The following CFAP410 variants were observed in gnomAD, a reference collection of about 807,000 sequenced individuals.
CFAP410 encodes the protein cilia and flagella associated protein 410.
In CFAP410, 27 loss-of-function variants were observed where a neutral mutation model predicts 25.7. The ratio of observed to expected loss-of-function variants is 1.05; its 90% CI spans 0.77 to 1.45. CFAP410 has a LOEUF of 1.45. CFAP410 is among the 40% of genes most tolerant of loss of function. CFAP410 has a pLI of 0.00. For synonymous variants in CFAP410, 178 were observed against 158.4 expected, an observed-to-expected ratio of 1.12 and a Z score of -0.93; for missense variants, 428 against 354.1, an observed-to-expected ratio of 1.21 and a Z score of -1.67.
intron 5 of CFAP410, 192 bp downstream of exon 5, chr21:44,331,651 C>T (rs2047649305): frequency 1.7e-6 from 1 of 585,786 alleles, no homozygotes; most frequent in Non-Finnish European, 2.9e-6. Flanking sequence ...AAACATGGAC[C>T]TGCCACTGAA....
intron 3 of CFAP410, chr21:44,333,816 T>C (rs184983423): frequency 2.9e-6 from 1 of 345,286 alleles, no homozygotes; most frequent in African/African-American, 2.1e-5. Context: ...GGCTTTACCC[T>C]GCAGCGTGGG....
intron 3 of CFAP410, chr21:44,334,227 G>A: frequency 2.2e-6 from 1 of 456,308 alleles, no homozygotes; most frequent in South Asian, 1.5e-5. Context: ...AACACCCCTG[G>A]GGTCCTGTCC....
At position 44,330,110 on chromosome 21, in the gene CFAP410, C is replaced by A; in HGVS notation, c.*88G>T. ...AGGCTTTTGTGTGGGGCCGGGGCTG[C>A]GGCCATGGCAGCCACCCTCCAGCTC... is the stretch of plus-strand genomic sequence containing the variant. On this transcript the variant is annotated 3_prime_UTR_variant, in exon 7 of 7. Transcript: ENST00000339818. The A allele has an allele frequency of 7.0e-7, 1 of 1,424,338 alleles. No individual in the cohort carries two copies. 88.2% of individuals were successfully genotyped at this position (1,424,338 alleles called of 1,614,324 possible). A position where few individuals can be genotyped will look rare whatever the true frequency, so the allele number is the denominator to read the frequency against.
intron 1 of CFAP410, 54 bp downstream of exon 1, chr21:44,339,064 C>A: frequency 8.5e-7 from 1 of 1,174,822 alleles, no homozygotes; most frequent in Non-Finnish European, 1.1e-6. Flanking sequence ...CGCCCTCGCC[C>A]CGCCCCGGCT....
intron 3 of CFAP410, chr21:44,334,521 C>CCCCTCAACCTCTGGGCGGGCACGCGCACA: frequency 5.7e-6 from 1 of 174,472 alleles, no homozygotes; most frequent in South Asian, 3.7e-5. Flanking sequence ...ACGCGCACCC[C>CCCCTCAACCTCTGGGCGGGCACGCGCACA]CCCCCCCCCC....
At chr21:44,338,419 GTGAGACTCAGCATTACCTGCCT>G in intron 1 of CFAP410, 1 of 764,156 alleles carries the variant, frequency 1.3e-6, no homozygotes. Context: ...CCTTGGCTCA[GTGAGACTCAGCATTACCTGCCT>G]TTCAGCCTGC....
At chr21:44,338,359 A>C (rs895478502) in intron 1 of CFAP410, 12 of 1,262,780 alleles carry the variant, frequency 9.5e-6, no homozygotes, top group Non-Finnish European at 1.2e-5. Flanking sequence ...AACCCTGGAG[A>C]TCTTGCAGGC....
At chr21:44,332,474 T>C (rs924654353) in intron 4 of CFAP410, 3 of 163,908 alleles carry the variant, frequency 1.8e-5, no homozygotes, top group Admixed American at 6.3e-5. Context: ...ACAAACAGCA[T>C]GAAACCACAG....
intron 1 of CFAP410, chr21:44,338,191 A>C (rs2047789373): frequency 1.0e-6 from 1 of 987,802 alleles, no homozygotes; most frequent in South Asian, 1.6e-5. Flanking sequence ...CAGATATGCC[A>C]GGGCAGAGAG....
At chr21:44,338,471 C>T (rs1433496604) in intron 1 of CFAP410, 11 of 412,284 alleles carry the variant, frequency 2.7e-5, no homozygotes, top group South Asian at 2.0e-4. Context: ...ACCGCACCCA[C>T]GTCCCTTCCT....
At position 44,329,396 on chromosome 21, in the gene CFAP410, G is replaced by A. The variant is rs1568981459; in HGVS notation, c.*802C>T. 1.3e-5 allele frequency: 2 copies of A among 152,154 alleles called. No individual in the cohort carries two copies. Among genetic ancestry groups the A allele is most frequent in the Admixed American group, 1.3e-4 (2 of 15,284 alleles). The allele number at this position is 152,154 out of a possible 1,614,324, so 9.4% of individuals were successfully genotyped here. A position where few individuals can be genotyped will look rare whatever the true frequency, so the allele number is the denominator to read the frequency against. The stretch of plus-strand genomic sequence containing the variant: ...CGTGAATGCTTCCTTGGTTTTGGGG[G>A]GCACTAGGAAGGTCCCCAGGGCCAC... On this transcript the variant is annotated 3_prime_UTR_variant, in exon 7 of 7. Transcript: ENST00000339818.
rs567017370 is a variant in CFAP410 at position 44,331,044 on chromosome 21, G to A, written c.546-125C>T. ...CTCATACAAATCCCACCTGGCACAC[G>A]GGGGCAAGAGAAGGGAGGCAACTCC... On this transcript the variant is annotated intron_variant, in intron 5 of 6. Coordinates refer to ENST00000339818, the MANE Select transcript of CFAP410 (RefSeq NM_004928.3). 53 of 883,144 alleles carry A rather than the reference G, an allele frequency of 6.0e-5. No homozygotes were observed. The South Asian group carries it at 7.7e-4, about 13-fold the overall frequency. The allele number at this position is 883,144 out of a possible 1,614,324, so 54.7% of individuals were successfully genotyped here.
intron 2 of CFAP410, among the ~76,000 whole-genome samples, chr21:44,336,236 T>A (rs1030687696): frequency 6.6e-6 from 1 of 152,102 alleles, no homozygotes; most frequent in African/African-American, 2.4e-5. Context: ...GAAGGAGAAA[T>A]GTGAGGCTCC....
At position 44,339,127 on chromosome 21, in the gene CFAP410, A is replaced by C; in HGVS notation, c.68T>G (p.Leu23Arg). ...CCAGGCCCCGCCTCACCAGCAGTTG[A>C]GCTTGCGCACGCTGTGCAGCTCCGA... The part of the protein sequence containing the change: ...KASELHSVRK[L>R]NCWGSRLTDI... The change falls in exon 1 of 7, where the codon CTC becomes CGC. Residue 23 changes from leucine to arginine, a missense_variant. Transcript: ENST00000339818. 6.9e-7 allele frequency: 1 copy of C among 1,453,860 alleles called. No individual in the cohort carries two copies. The highest frequency in any genetic ancestry group is 9.1e-7 in the Non-Finnish European group (1 of 1,097,574). 90.1% of individuals were successfully genotyped at this position (1,453,860 alleles called of 1,614,324 possible).
Position 44,338,662 on chromosome 21 carries a change from T to TG in CFAP410, c.77+455dup, listed in dbSNP as rs66904159. The TG allele has an allele frequency of 8.7e-4, 131 of 150,506 alleles. 1 individual carries two copies. Among genetic ancestry groups the TG allele is most frequent in the East Asian group, 2.4e-3 (12 of 4,972 alleles). 9.3% of individuals were successfully genotyped at this position (150,506 alleles called of 1,614,324 possible). A position where few individuals can be genotyped will look rare whatever the true frequency, so the allele number is the denominator to read the frequency against. On this transcript the variant is annotated intron_variant, in intron 1 of 6. Coordinates refer to ENST00000339818, the MANE Select transcript of CFAP410 (RefSeq NM_004928.3). ...CCCGGGGCAAAGGCGGGCCGGGAAATGGGGGGGGGCCCAGGCGACCCCGAC... is the reference window on the plus strand; with the variant it reads ...CCCGGGGCAAAGGCGGGCCGGGAAATGGGGGGGGGGCCCAGGCGACCCCGAC...
rs748224537 is a variant in CFAP410 at position 44,333,121 on chromosome 21, G to A, written c.285C>T (p.Ala95=). 19 of 1,611,076 alleles carry A rather than the reference G, an allele frequency of 1.2e-5. No homozygotes were observed. The highest frequency in any genetic ancestry group is 6.7e-5 in the Admixed American group (4 of 59,898). The change falls in exon 4 of 7, where the codon GCC becomes GCT. Residue 95 remains alanine, a synonymous_variant. Coordinates refer to ENST00000339818, the MANE Select transcript of CFAP410 (RefSeq NM_004928.3). The part of the protein sequence containing the change: ...GLPRLRVLWL[A]ENPCCGTSPH... ...GGCTGGTGCCGCAGCACGGGTTCTC[G>A]GCCAGCCACAGCACCCGCAGACGCG...
At chr21:44,330,766 T>G (rs1568984754) in intron 6 of CFAP410, 57 bp downstream of exon 6, 15 of 1,551,172 alleles carry the variant, frequency 9.7e-6, no homozygotes, top group Middle Eastern at 1.7e-4. Context: ...CCACGGTTTC[T>G]GTGCAGTGGG....
chr21:44,330,100 G>A lies in CFAP410; in HGVS notation c.*98C>T. Reference sequence around the variant, plus strand: ...CAAACCGGGGAGGCTTTTGTGTGGGGCCGGGGCTGCGGCCATGGCAGCCAC... The same window carrying A: ...CAAACCGGGGAGGCTTTTGTGTGGGACCGGGGCTGCGGCCATGGCAGCCAC... On this transcript the variant is annotated 3_prime_UTR_variant, in exon 7 of 7. Coordinates refer to ENST00000339818, the MANE Select transcript of CFAP410 (RefSeq NM_004928.3). 8.0e-6 allele frequency: 11 copies of A among 1,370,288 alleles called. No individual in the cohort carries two copies. The South Asian group carries it at 1.3e-4, about 17-fold the overall frequency. 84.9% of individuals were successfully genotyped at this position (1,370,288 alleles called of 1,614,324 possible).
At chr21:44,330,527 A>T (rs2047625583) in intron 6 of CFAP410, 4 of 1,548,102 alleles carry the variant, frequency 2.6e-6, no homozygotes, top group Non-Finnish European at 3.5e-6. Flanking sequence ...CACCTCTTCC[A>T]CGTGACTCCT....
Sources: allele counts gnomAD v4.1 joint callset (sites outside exome capture counted in the v4.1 genomes callset), GRCh38; gene constraint gnomAD v4.1.1; transcripts MANE v1.5; gene names NCBI Gene and HGNC (gene_info 2026-07-23, HGNC 2026-07-21).